Variants in AKAP9 observed in about 807,000 individuals in gnomAD.
AKAP9 encodes A-kinase anchor protein 9.
AKAP9 carries 311 observed loss-of-function variants against 488.5 expected under a neutral mutation model. That is an observed-to-expected ratio of 0.64 (90% CI 0.58 to 0.70). The LOEUF (loss-of-function observed/expected upper bound fraction) is 0.70, where lower values mean the gene tolerates loss of function less well. Ranked by LOEUF, AKAP9 falls within the 30% of genes least tolerant of loss-of-function variation. The pLI, the probability that AKAP9 is intolerant of heterozygous loss-of-function variation, is 0.00. For missense variants in AKAP9, 4,215 were observed against 4,374.5 expected, an observed-to-expected ratio of 0.96 and a Z score of 1.03; for synonymous variants, 1,462 against 1,483.5, an observed-to-expected ratio of 0.99 and a Z score of 0.33.
At chr7:91,944,298 T>C (rs2130436861) in intron 1 of AKAP9, among the ~76,000 whole-genome samples, 1 of 152,228 alleles carries the variant, frequency 6.6e-6, no homozygotes, top group Middle Eastern at 3.4e-3. Context: ...CTCTGGGTGG[T>C]GGCTTATAGG....
At chr7:92,062,996 T>C (rs1359224434) in intron 24 of AKAP9, among the ~76,000 whole-genome samples, 2 of 152,184 alleles carry the variant, frequency 1.3e-5, no homozygotes, top group Admixed American at 1.3e-4. Flanking sequence ...TTAAGTAACC[T>C]TTCATTTTTC....
chr7:92,002,944 A>G lies in AKAP9; in HGVS notation c.3027A>G (p.Val1009=). Residue 1009 remains valine, a synonymous_variant, in exon 8 of 50, where the codon GTA becomes GTG. Coordinates refer to ENST00000356239, the MANE Select transcript of AKAP9 (RefSeq NM_005751.5). ...TTAACCACAACAGGGCAGAAAATGT[A>G]CAGTCATGTGATACTCAAGTAAGCT... ...IIINHNRAEN[V]QSCDTQVSSL... The G allele has an allele frequency of 6.2e-7, 1 of 1,612,192 alleles. No individual in the cohort carries two copies. The highest frequency in any genetic ancestry group is 8.5e-7 in the Non-Finnish European group (1 of 1,179,388).
chr7:92,099,549 A>T, intron 43 of AKAP9, 138 bp from the exon 44 acceptor site: 1 of 852,858 alleles, frequency 1.2e-6, no homozygotes, highest in Non-Finnish European at 2.0e-6. Context: ...TCTGCCTGGT[A>T]AATATCTACC....
At chr7:92,088,700 G>A (rs527823981) in intron 37 of AKAP9, among the ~76,000 whole-genome samples, 8 of 152,220 alleles carry the variant, frequency 5.3e-5, no homozygotes, top group Admixed American at 2.0e-4. Flanking sequence ...TGGTGGTTAC[G>A]TGAACCTATC....
At chr7:92,006,748 A>G (rs898144692) in intron 8 of AKAP9, among the ~76,000 whole-genome samples, 4 of 152,212 alleles carry the variant, frequency 2.6e-5, no homozygotes, top group South Asian at 2.1e-4. Context: ...AAAACATCAT[A>G]GAAGTCTTTT....
intron 12 of AKAP9, among the ~76,000 whole-genome samples, chr7:92,018,395 AACACACACACACACACACACACACACAC>A (rs56394853): frequency 2.5e-5 from 3 of 120,610 alleles, no homozygotes; most frequent in Non-Finnish European, 1.7e-5. Flanking sequence ...CTAAAAATAT[AACACACACACACACACACACACACACAC>A]ACACACACAC....
chr7:92,070,231 TTAA>T (rs763187925), intron 27 of AKAP9, 25 bp downstream of exon 27: 7 of 1,611,700 alleles, frequency 4.3e-6, no homozygotes, highest in East Asian at 2.2e-5. Flanking sequence ...TTGGGCTAAC[TTAA>T]TAAGTGTTTT....
chr7:92,074,903 C>T (rs554354068), intron 28 of AKAP9, among the ~76,000 whole-genome samples: 48 of 152,048 alleles, frequency 3.2e-4, no homozygotes, highest in Non-Finnish European at 5.6e-4. Flanking sequence ...GGAGAAACAC[C>T]TAATGTAGAT....
intron 8 of AKAP9, among the ~76,000 whole-genome samples, chr7:92,010,772 G>A (rs1800637282): frequency 6.6e-6 from 1 of 152,080 alleles, no homozygotes; most frequent in Non-Finnish European, 1.5e-5. Flanking sequence ...CCTCATCTCA[G>A]CCTCCTAAGT....
At chr7:92,022,731 TA>T in intron 13 of AKAP9, 82 bp from the exon 14 acceptor site, 1 of 910,194 alleles carries the variant, frequency 1.1e-6, no homozygotes, top group South Asian at 1.6e-5. Flanking sequence ...AAAGAATTAA[TA>T]TTTTCTGTAC....
At chr7:92,068,142 C>T (rs1393918524) in intron 26 of AKAP9, among the ~76,000 whole-genome samples, 3 of 151,508 alleles carry the variant, frequency 2.0e-5, no homozygotes, top group East Asian at 3.9e-4. Context: ...GGGCAGATCA[C>T]GAGGTCAGGA....
At chr7:92,027,106 A>G (rs1222434256) in intron 14 of AKAP9, among the ~76,000 whole-genome samples, 25 of 130,216 alleles carry the variant, frequency 1.9e-4, no homozygotes, top group Non-Finnish European at 3.2e-4. Flanking sequence ...CACCCCATCT[A>G]GGAAGTGAGG....
chr7:92,063,284 A>G (rs966697688), intron 24 of AKAP9, among the ~76,000 whole-genome samples: 2 of 152,220 alleles, frequency 1.3e-5, no homozygotes, highest in Admixed American at 1.3e-4. Flanking sequence ...TATGTCATAT[A>G]TGCAAAATAT....
chr7:91,980,916 A>G (rs1268404056), intron 3 of AKAP9, among the ~76,000 whole-genome samples: 1 of 152,074 alleles, frequency 6.6e-6, no homozygotes, highest in Non-Finnish European at 1.5e-5. Context: ...GGAGACTATA[A>G]ACTATTCTGT....
intron 26 of AKAP9, among the ~76,000 whole-genome samples, chr7:92,068,476 A>C (rs1257432036): frequency 1.3e-5 from 2 of 152,098 alleles, no homozygotes; most frequent in African/African-American, 4.8e-5. Flanking sequence ...GTTGTACTTC[A>C]AAGAATATTT....
Position 91,973,943 on chromosome 7 carries a change from G to A in AKAP9, c.281G>A (p.Ser94Asn). The A allele has an allele frequency of 6.2e-7, 1 of 1,613,900 alleles. No homozygotes were observed. The highest frequency in any genetic ancestry group is 8.5e-7 in the Non-Finnish European group (1 of 1,179,934). The change falls in exon 2 of 50, where the codon AGT (serine) becomes AAT (asparagine). Residue 94 changes from serine (S) to asparagine (N), a missense_variant. By Grantham distance (46) the Ser-to-Asn change is conservative. This residue lies in a region of AKAP9 where 2,361 missense variants were observed against 2,430.0 expected (regional missense o/e 0.97). Transcript: ENST00000356239. ...ACTCTACATAGTGGAGAAATAACCA[G>A]TCATGAGCAGGGCTTCTCTGTGGAA... The part of the protein sequence containing the change: ...MRTLHSGEIT[S>N]HEQGFSVELE...
rs1815164504 is a variant in AKAP9 at position 92,089,481 on chromosome 7, A to T, written c.9310A>T (p.Arg3104Trp). 1 of 1,613,532 alleles carries T rather than the reference A, an allele frequency of 6.2e-7. No individual in the cohort carries two copies. The highest frequency in any genetic ancestry group is 2.2e-5 in the East Asian group (1 of 44,788). Residue 3104 changes from arginine to tryptophan, a missense_variant, in exon 38 of 50, where the codon AGG becomes TGG. Arg to Trp is a moderately radical substitution (Grantham distance 101, BLOSUM62 -3). Coordinates refer to ENST00000356239, the MANE Select transcript of AKAP9 (RefSeq NM_005751.5). ...IQALHAQMNGRKITLKREQES... is the reference protein window; with the variant it reads ...IQALHAQMNGWKITLKREQES... Reference sequence around the variant, plus strand: ...GGCACTGCATGCACAAATGAATGGTAGGAAAATTACTCTGAAAAGAGAACA... The same window carrying T: ...GGCACTGCATGCACAAATGAATGGTTGGAAAATTACTCTGAAAAGAGAACA...
chr7:91,986,527 G>A (rs1160722679), intron 3 of AKAP9, among the ~76,000 whole-genome samples: 1 of 152,108 alleles, frequency 6.6e-6, no homozygotes, highest in Non-Finnish European at 1.5e-5. Flanking sequence ...TGGCCTTCTT[G>A]GAACGGATCC....
chr7:91,955,854 G>A (rs1420503428), intron 1 of AKAP9, among the ~76,000 whole-genome samples: 9 of 152,038 alleles, frequency 5.9e-5, no homozygotes, highest in Non-Finnish European at 1.2e-4. Flanking sequence ...GGCTGGTCTC[G>A]AACTCCTGAC....
Sources: allele counts gnomAD v4.1 joint callset (sites outside exome capture counted in the v4.1 genomes callset), GRCh38; gene constraint gnomAD v4.1.1; regional missense constraint gnomAD v4.1.1; transcripts MANE v1.5; gene names NCBI Gene and HGNC (gene_info 2026-07-23, HGNC 2026-07-21).